EDIL3: variants seen among roughly 807,000 people sequenced by gnomAD.
EDIL3 encodes the protein EGF-like repeat and discoidin I-like domain-containing protein 3.
Under a neutral mutation model 67.4 loss-of-function variants are expected in EDIL3, and 37 were observed. The ratio of observed to expected loss-of-function variants is 0.55; its 90% CI spans 0.42 to 0.72. The LOEUF (loss-of-function observed/expected upper bound fraction) is 0.72. Among genes scored for constraint, EDIL3 ranks in the 30% least tolerant of loss-of-function variants. The pLI is 0.00. For missense variants in EDIL3, 527 were observed against 586.3 expected, an observed-to-expected ratio of 0.90 and a Z score of 1.04; for synonymous variants, 195 against 196.3, an observed-to-expected ratio of 0.99 and a Z score of 0.05.
chr5:84,295,536 C>T (rs1042514879), intron 1 of EDIL3, among the ~76,000 whole-genome samples: 2 of 151,944 alleles, frequency 1.3e-5, no homozygotes, highest in East Asian at 3.8e-4. Flanking sequence ...AAATGAGTAA[C>T]AGGCAAACTT....
At chr5:84,053,835 A>AG in intron 9 of EDIL3, among the ~76,000 whole-genome samples, 1 of 152,138 alleles carries the variant, frequency 6.6e-6, no homozygotes. Flanking sequence ...CAACCAAAAA[A>AG]AGTCCAGGAC....
rs143942947 is a variant in EDIL3, at chr5:84,198,426, T to C, written c.227-17905A>G. Among the ~76,000 whole-genome samples, 246 of 152,102 alleles carry C rather than the reference T, an allele frequency of 1.6e-3. 2 individuals are homozygous for C. Among genetic ancestry groups the C allele is most frequent in the African/African-American group, 5.6e-3 (233 of 41,514 alleles). On this transcript the variant is annotated intron_variant, in intron 3 of 10. Coordinates refer to ENST00000296591, the MANE Select transcript of EDIL3 (RefSeq NM_005711.5). ...ATTAAATCTAGATCTGAAAAAAAAG[T>C]AGTGCTGTAGTGAAGCCATATATAT...
At chr5:84,154,977 G>T (rs772633987) in intron 4 of EDIL3, among the ~76,000 whole-genome samples, 1 of 152,130 alleles carries the variant, frequency 6.6e-6, no homozygotes, top group Non-Finnish European at 1.5e-5. Context: ...TGGGATTACA[G>T]GCATGAGCCA....
At chr5:84,034,410 T>A (rs1363007372) in intron 9 of EDIL3, among the ~76,000 whole-genome samples, 1 of 152,190 alleles carries the variant, frequency 6.6e-6, no homozygotes, top group African/African-American at 2.4e-5. Flanking sequence ...GAATTAGTGA[T>A]GAGGTTATTC....
intron 9 of EDIL3, among the ~76,000 whole-genome samples, chr5:84,031,641 C>T (rs954969942): frequency 1.3e-5 from 2 of 152,152 alleles, no homozygotes; most frequent in African/African-American, 4.8e-5. Context: ...AGAAGATGGT[C>T]ATCTAGGAAC....
intron 1 of EDIL3, among the ~76,000 whole-genome samples, chr5:84,335,234 C>T (rs1039640901): frequency 3.9e-5 from 6 of 152,152 alleles, no homozygotes; most frequent in African/African-American, 1.2e-4. Context: ...TCTTTGTCTG[C>T]CTTAACAATT....
chr5:84,356,793 T>G (rs1410907513), intron 1 of EDIL3, among the ~76,000 whole-genome samples: 1 of 151,564 alleles, frequency 6.6e-6, no homozygotes, highest in Non-Finnish European at 1.5e-5. Context: ...CAAACCATAC[T>G]CATTTTCTTC....
intron 4 of EDIL3, among the ~76,000 whole-genome samples, chr5:84,154,169 G>A (rs554942195): frequency 3.9e-5 from 6 of 152,234 alleles, no homozygotes; most frequent in East Asian, 1.9e-4. Flanking sequence ...TTGTCATTTC[G>A]TGTCAATGGC....
intron 9 of EDIL3, among the ~76,000 whole-genome samples, chr5:83,967,254 G>A (rs1200111578): frequency 1.3e-5 from 2 of 152,064 alleles, no homozygotes; most frequent in Non-Finnish European, 2.9e-5. Flanking sequence ...CTGGGAGGTG[G>A]AGGTTTCAGC....
intron 9 of EDIL3, among the ~76,000 whole-genome samples, chr5:84,009,466 T>C (rs1745481101): frequency 6.6e-6 from 1 of 152,130 alleles, no homozygotes; most frequent in Non-Finnish European, 1.5e-5. Context: ...TTGTTTTGAA[T>C]AACAAATATG....
chr5:84,154,084 C>T (rs1748448290), intron 4 of EDIL3, among the ~76,000 whole-genome samples: 1 of 152,134 alleles, frequency 6.6e-6, no homozygotes, highest in African/African-American at 2.4e-5. Context: ...CTATCTTTTG[C>T]TCCTTTGCTG....
At chr5:84,111,535 T>C (rs2112288396) in intron 5 of EDIL3, among the ~76,000 whole-genome samples, 1 of 152,336 alleles carries the variant, frequency 6.6e-6, no homozygotes, top group East Asian at 1.9e-4. Context: ...GGCACTTTTC[T>C]AGGTAGTAGT....
intron 1 of EDIL3, among the ~76,000 whole-genome samples, chr5:84,279,713 C>T (rs1253051299): frequency 1.3e-5 from 2 of 152,190 alleles, no homozygotes; most frequent in African/African-American, 2.4e-5. Flanking sequence ...TGACCCACTT[C>T]TCAGAGTGAA....
chr5:84,358,528 A>G (rs1199519995), intron 1 of EDIL3, among the ~76,000 whole-genome samples: 1 of 151,988 alleles, frequency 6.6e-6, no homozygotes, highest in Non-Finnish European at 1.5e-5. Context: ...AACTAAAGAT[A>G]AAGCTAAGCA....
chr5:84,325,272 CAAT>C (rs1310791168), intron 1 of EDIL3, among the ~76,000 whole-genome samples: 1 of 151,690 alleles, frequency 6.6e-6, no homozygotes, highest in African/African-American at 2.4e-5. Context: ...TCTTAAATCT[CAAT>C]AACAACAGCA....
At chr5:84,353,347 A>G (rs1032871658) in intron 1 of EDIL3, among the ~76,000 whole-genome samples, 2 of 152,196 alleles carry the variant, frequency 1.3e-5, no homozygotes, top group African/African-American at 4.8e-5. Flanking sequence ...TGAGCTCTGA[A>G]GACTTATTTC....
chr5:84,326,651 ATC>A (rs1304774695), intron 1 of EDIL3, among the ~76,000 whole-genome samples: 1 of 151,680 alleles, frequency 6.6e-6, no homozygotes, highest in Non-Finnish European at 1.5e-5. Context: ...TGTCTGTGAG[ATC>A]TCTTTGTCTC....
intron 1 of EDIL3, among the ~76,000 whole-genome samples, chr5:84,357,188 A>G (rs1747505457): frequency 6.6e-6 from 1 of 151,876 alleles, no homozygotes; most frequent in Non-Finnish European, 1.5e-5. Context: ...GCTTCCCAAA[A>G]TGTTTGGATT....
intron 5 of EDIL3, among the ~76,000 whole-genome samples, chr5:84,117,017 CTTAT>C (rs1747676622): frequency 1.1e-5 from 1 of 93,126 alleles, no homozygotes; most frequent in African/African-American, 4.8e-5. Flanking sequence ...AAGTTAAGTA[CTTAT>C]TTTTTTTTTT....
Sources: gnomAD v4.1 joint callset for allele counts (sites outside exome capture counted in the v4.1 genomes callset) on GRCh38, gnomAD v4.1.1 for gene constraint, MANE v1.5 for transcripts, NCBI Gene and HGNC (gene_info 2026-07-23, HGNC 2026-07-21) for gene names.